The following CLIP4 variants were observed in gnomAD, a reference collection of about 807,000 sequenced individuals.
CLIP4 encodes the protein CAP-Gly domain containing linker protein family member 4.
Under a neutral mutation model 73.1 loss-of-function variants are expected in CLIP4, and 47 were observed. That is an observed-to-expected ratio of 0.64 (90% CI 0.51 to 0.82). CLIP4 has a LOEUF of 0.82. Among genes scored for constraint, CLIP4 ranks in the 40% least tolerant of loss-of-function variants. The probability of loss-of-function intolerance (pLI) is 0.00; values close to 1 mark genes in which losing one functional copy is unlikely to be tolerated. For synonymous variants in CLIP4, 306 were observed against 295.4 expected (o/e 1.04, Z -0.37); for missense variants, 874 against 852.9 (o/e 1.02, Z -0.31).
intron 13 of CLIP4, among the ~76,000 whole-genome samples, chr2:29,164,186 T>C (rs1667460834): frequency 6.6e-6 from 1 of 152,180 alleles, no homozygotes; most frequent in African/African-American, 2.4e-5. Flanking sequence ...ACCCTATGAG[T>C]ATGTGTAGGC....
chr2:29,164,779 A>G (rs1667499741), intron 13 of CLIP4, among the ~76,000 whole-genome samples: 1 of 152,068 alleles, frequency 6.6e-6, no homozygotes. Context: ...TTTTACATCC[A>G]TTTCTCCCTC....
chr2:29,144,286 C>T (rs1363259644), intron 7 of CLIP4, among the ~76,000 whole-genome samples: 3 of 152,142 alleles, frequency 2.0e-5, no homozygotes, highest in Non-Finnish European at 2.9e-5. Flanking sequence ...TCTCTGACTG[C>T]TGCTCCTCCA....
rs113325322 is a variant in CLIP4, at chr2:29,169,984, T to C, written c.1723+2444T>C. Among the ~76,000 whole-genome samples the C allele has an allele frequency of 5.0e-3, 763 of 152,274 alleles. 1 individual carries two copies. The highest frequency in any genetic ancestry group is 0.017 in the African/African-American group (714 of 41,556). ...CCTTCACAAGATCCACTGTTTTAGC[T>C]CCTGCACATGAGTGAGAACGTGTGA... On this transcript the variant is annotated intron_variant, in intron 14 of 15. Transcript: ENST00000320081.
At chr2:29,098,199 A>G (rs921752535) in intron 1 of CLIP4, among the ~76,000 whole-genome samples, 22 of 152,260 alleles carry the variant, frequency 1.4e-4, no homozygotes, top group Admixed American at 1.4e-3. Flanking sequence ...AAAATGCTTC[A>G]CAATTGACTT....
intron 2 of CLIP4, among the ~76,000 whole-genome samples, chr2:29,128,188 T>G (rs990738550): frequency 3.2e-4 from 7 of 21,626 alleles, no homozygotes; most frequent in Admixed American, 1.3e-3. Context: ...AATGTCTGTG[T>G]TTTTTTTTTT....
intron 2 of CLIP4, among the ~76,000 whole-genome samples, chr2:29,126,985 A>G (rs1664649956): frequency 6.6e-6 from 1 of 152,178 alleles, no homozygotes; most frequent in African/African-American, 2.4e-5. Context: ...GGGCGTACTT[A>G]GAGTTTTCTA....
At chr2:29,146,560 G>C (rs577440415) in intron 8 of CLIP4, among the ~76,000 whole-genome samples, 1 of 152,064 alleles carries the variant, frequency 6.6e-6, no homozygotes, top group South Asian at 2.1e-4. Context: ...TGATTTTGTA[G>C]TCACTTACTA....
intron 5 of CLIP4, 106 bp downstream of exon 5, chr2:29,133,922 A>C: frequency 1.1e-6 from 1 of 944,128 alleles, no homozygotes; most frequent in Non-Finnish European, 1.5e-6. Flanking sequence ...ATCTTGTTTC[A>C]TATGCCTTTC....
chr2:29,168,287 C>G (rs555495894), intron 14 of CLIP4, among the ~76,000 whole-genome samples: 1 of 152,230 alleles, frequency 6.6e-6, no homozygotes, highest in South Asian at 2.1e-4. Context: ...AGTACCTGTT[C>G]AAGTTTCTTG....
chr2:29,152,439 T>A (rs1666635865), intron 8 of CLIP4, among the ~76,000 whole-genome samples: 1 of 152,226 alleles, frequency 6.6e-6, no homozygotes, highest in Admixed American at 6.5e-5. Flanking sequence ...TTTCTCTTTC[T>A]CCTGAATTTC....
At chr2:29,111,622 A>C (rs1668388515), upstream of CLIP4, among the ~76,000 whole-genome samples, 1 of 152,182 alleles carries the variant, frequency 6.6e-6, no homozygotes, top group Non-Finnish European at 1.5e-5. Context: ...TGGCCTTTAA[A>C]ATATTTTATA....
Position 29,182,929 on chromosome 2 carries a change from A to G in CLIP4, c.*1036A>G, listed in dbSNP as rs543985449. ...AAGGATGTATTAGTTATTTACTTAAATGTTTATAATATCTGGATTTTTTTT... is the reference window on the plus strand; with the variant it reads ...AAGGATGTATTAGTTATTTACTTAAGTGTTTATAATATCTGGATTTTTTTT... On this transcript the variant is annotated 3_prime_UTR_variant, in exon 16 of 16. Coordinates refer to ENST00000320081, the MANE Select transcript of CLIP4 (RefSeq NM_024692.6). 2.6e-5 allele frequency: 4 copies of G among 152,744 alleles called. No homozygotes were observed. The highest frequency in any genetic ancestry group is 9.6e-5 in the African/African-American group (4 of 41,582). The allele number at this position is 152,744 out of a possible 1,614,324, so 9.5% of individuals were successfully genotyped here.
At chr2:29,098,195 CT>C (rs777575255) in intron 1 of CLIP4, among the ~76,000 whole-genome samples, 14 of 152,230 alleles carry the variant, frequency 9.2e-5, no homozygotes, top group African/African-American at 1.4e-4. Context: ...ATTAAAAATG[CT>C]TCACAATTGA....
intron 15 of CLIP4, among the ~76,000 whole-genome samples, chr2:29,178,520 T>A (rs182100572): frequency 5.5e-4 from 84 of 152,260 alleles, no homozygotes; most frequent in African/African-American, 2.0e-3. Flanking sequence ...TGAATCATAT[T>A]CCATATGCCC....
At chr2:29,131,977 ATTG>A in intron 3 of CLIP4, 172 bp from the exon 4 acceptor site, 1 of 480,850 alleles carries the variant, frequency 2.1e-6, no homozygotes. Context: ...AGTTTTCATT[ATTG>A]TTGTTGAGTA....
intron 15 of CLIP4, among the ~76,000 whole-genome samples, chr2:29,178,267 C>T (rs546905924): frequency 6.6e-6 from 1 of 151,972 alleles, no homozygotes; most frequent in African/African-American, 2.4e-5. Context: ...GCAACCTCTG[C>T]CTCCTGGGTT....
At chr2:29,154,551 T>G (rs1323116610) in intron 9 of CLIP4, among the ~76,000 whole-genome samples, 2 of 152,150 alleles carry the variant, frequency 1.3e-5, no homozygotes, top group African/African-American at 4.8e-5. Flanking sequence ...AGTCTCAGGA[T>G]TGTATGACAG....
chr2:29,142,623 C>G (rs536104743), intron 6 of CLIP4, among the ~76,000 whole-genome samples: 2 of 152,208 alleles, frequency 1.3e-5, no homozygotes, highest in South Asian at 4.1e-4. Context: ...CATATTTCTA[C>G]TAAGGACCAA....
chr2:29,140,018 G>A (rs1449196453), intron 6 of CLIP4, among the ~76,000 whole-genome samples: 1 of 148,674 alleles, frequency 6.7e-6, no homozygotes, highest in Non-Finnish European at 1.5e-5. Context: ...ACTAGCTTTG[G>A]GTTTAGTTTG....
Sources: gnomAD v4.1 joint callset for allele counts (sites outside exome capture counted in the v4.1 genomes callset) on GRCh38, gnomAD v4.1.1 for gene constraint, MANE v1.5 for transcripts, NCBI Gene and HGNC (gene_info 2026-07-23, HGNC 2026-07-21) for gene names.